The following PLCB1 variants were observed in gnomAD, a reference collection of about 807,000 sequenced individuals.
The protein encoded by PLCB1 is phospholipase C beta 1.
PLCB1 carries 46 observed loss-of-function variants against 161.8 expected under a neutral mutation model. The observed-to-expected ratio is 0.28, with a 90% CI of 0.22 to 0.36. The LOEUF (loss-of-function observed/expected upper bound fraction) is 0.36, where lower values mean the gene tolerates loss of function less well. Among genes scored for constraint, PLCB1 ranks in the 10% least tolerant of loss-of-function variants. PLCB1 has a pLI of 1.00. For missense variants in PLCB1, 1,016 were observed against 1,472.5 expected, an observed-to-expected ratio of 0.69 and a Z score of 5.07; for synonymous variants, 517 against 503.7, an observed-to-expected ratio of 1.03 and a Z score of -0.35.
At chr20:8,786,208 T>C (rs1358979861) in intron 27 of PLCB1, among the ~76,000 whole-genome samples, 3 of 152,102 alleles carry the variant, frequency 2.0e-5, no homozygotes, top group Non-Finnish European at 4.4e-5. Context: ...AAGGTGCTAG[T>C]GAGAGGACAC....
intron 3 of PLCB1, among the ~76,000 whole-genome samples, chr20:8,373,313 G>T (rs1986963593): frequency 6.6e-6 from 1 of 151,866 alleles, no homozygotes; most frequent in African/African-American, 2.4e-5. Flanking sequence ...TCAAAGCCTG[G>T]TTCTATTAAA....
chr20:8,367,908 GAGAC>G lies in PLCB1; in HGVS notation c.178-3472_178-3469del, dbSNP rs144949470. On this transcript the variant is annotated intron_variant, in intron 2 of 31. Transcript: ENST00000338037. ...GGCTGTGGTATGTTAATAGAAGTGG[GAGAC>G]ACTATTTGAATCATCGCTTTGTAGC... 8.9e-3 allele frequency among the ~76,000 whole-genome samples: 1,355 copies of G among 152,278 alleles called. 20 individuals are homozygous for G. Among genetic ancestry groups the G allele is most frequent in the African/African-American group, 0.031 (1,269 of 41,554 alleles).
chr20:8,218,912 T>G (rs1035398899), intron 2 of PLCB1, among the ~76,000 whole-genome samples: 1 of 152,110 alleles, frequency 6.6e-6, no homozygotes, highest in Non-Finnish European at 1.5e-5. Flanking sequence ...TATGTAGGTG[T>G]GTCAGTGTTT....
intron 2 of PLCB1, among the ~76,000 whole-genome samples, chr20:8,362,123 T>C (rs964419462): frequency 6.6e-6 from 1 of 152,024 alleles, no homozygotes; most frequent in African/African-American, 2.4e-5. Context: ...TCCATAAAGA[T>C]GTGGAGAATT....
At chr20:8,654,381 C>T (rs1414980057) in intron 7 of PLCB1, among the ~76,000 whole-genome samples, 2 of 151,954 alleles carry the variant, frequency 1.3e-5, no homozygotes, top group African/African-American at 4.8e-5. Context: ...ATGTGATGGA[C>T]CACGTCCTGG....
intron 2 of PLCB1, among the ~76,000 whole-genome samples, chr20:8,334,487 A>G (rs1985494897): frequency 6.6e-6 from 1 of 152,230 alleles, no homozygotes; most frequent in Admixed American, 6.5e-5. Context: ...ACTTGTTAAC[A>G]AGATTTGAAA....
chr20:8,204,275 G>A (rs1978404731), intron 2 of PLCB1, among the ~76,000 whole-genome samples: 1 of 152,058 alleles, frequency 6.6e-6, no homozygotes, highest in African/African-American at 2.4e-5. Flanking sequence ...GGAGGATTAG[G>A]GGCTTTTCCT....
Position 8,287,153 on chromosome 20 carries a change from A to G in PLCB1, c.178-84229A>G, listed in dbSNP as rs1246113615. Among the ~76,000 whole-genome samples, 6 of 152,098 alleles carry G rather than the reference A, an allele frequency of 3.9e-5. No individual in the cohort carries two copies. In the East Asian group the frequency reaches 1.2e-3, roughly 29 times the overall value. On this transcript the variant is annotated intron_variant, in intron 2 of 31. Coordinates refer to ENST00000338037, the MANE Select transcript of PLCB1 (RefSeq NM_015192.4). ...TCTATTAAATATTTCCTACCTATTCATGTGTGACTCTTTACTCTATATCCC... is the reference window on the plus strand; with the variant it reads ...TCTATTAAATATTTCCTACCTATTCGTGTGTGACTCTTTACTCTATATCCC...
chr20:8,835,057 A>C (rs1986227560), intron 31 of PLCB1, among the ~76,000 whole-genome samples: 1 of 152,210 alleles, frequency 6.6e-6, no homozygotes, highest in African/African-American at 2.4e-5. Flanking sequence ...AAACATTCAG[A>C]ATAATGATTG....
chr20:8,652,990 A>G (rs1989360565), intron 7 of PLCB1: 1 of 152,026 alleles, frequency 6.6e-6, no homozygotes, highest in Non-Finnish European at 1.5e-5. Flanking sequence ...AAAAATTACC[A>G]CTTTACCCAC....
chr20:8,462,874 T>C (rs1244077528), intron 3 of PLCB1, among the ~76,000 whole-genome samples: 3 of 151,894 alleles, frequency 2.0e-5, no homozygotes, highest in Admixed American at 6.6e-5. Flanking sequence ...AGGTGATCTA[T>C]GGCTGGCCAA....
At chr20:8,263,547 A>G (rs1309615248) in intron 2 of PLCB1, among the ~76,000 whole-genome samples, 1 of 152,140 alleles carries the variant, frequency 6.6e-6, no homozygotes, top group African/African-American at 2.4e-5. Context: ...CTGGGGATTC[A>G]TTCTGATATT....
chr20:8,526,564 C>T (rs1984592217), intron 3 of PLCB1, among the ~76,000 whole-genome samples: 2 of 152,208 alleles, frequency 1.3e-5, no homozygotes, highest in Admixed American at 1.3e-4. Context: ...ATCGGCCTTT[C>T]CTGGTAATAA....
intron 3 of PLCB1, among the ~76,000 whole-genome samples, chr20:8,426,132 A>G (rs1424928386): frequency 6.6e-6 from 1 of 152,160 alleles, no homozygotes; most frequent in Non-Finnish European, 1.5e-5. Flanking sequence ...ATGAAATGTG[A>G]TTTTGTTTCC....
intron 3 of PLCB1, among the ~76,000 whole-genome samples, chr20:8,601,444 G>T (rs1987583745): frequency 1.3e-5 from 2 of 152,076 alleles, no homozygotes; most frequent in South Asian, 4.1e-4. Context: ...TCATTATTTA[G>T]CTCCCACTTA....
At chr20:8,339,559 G>T (rs2122218307) in intron 2 of PLCB1, among the ~76,000 whole-genome samples, 1 of 152,250 alleles carries the variant, frequency 6.6e-6, no homozygotes, top group South Asian at 2.1e-4. Context: ...ATTAATTCCG[G>T]GACTGGCTTT....
chr20:8,693,633 C>T (rs1480526442), intron 10 of PLCB1, among the ~76,000 whole-genome samples: 3 of 152,060 alleles, frequency 2.0e-5, no homozygotes, highest in Admixed American at 2.0e-4. Context: ...ACCTTCTTAC[C>T]CTGGAGGTTG....
At chr20:8,377,456 T>C (rs1419302361) in intron 3 of PLCB1, among the ~76,000 whole-genome samples, 1 of 152,140 alleles carries the variant, frequency 6.6e-6, no homozygotes, top group Admixed American at 6.5e-5. Flanking sequence ...AGTGATGGGA[T>C]CTGAGCTTTT....
At chr20:8,315,015 T>C (rs1284334160) in intron 2 of PLCB1, among the ~76,000 whole-genome samples, 1 of 152,156 alleles carries the variant, frequency 6.6e-6, no homozygotes, top group Admixed American at 6.5e-5. Context: ...TCTTCACATC[T>C]GAGGATGGAG....
Sources: allele counts gnomAD v4.1 joint callset (sites outside exome capture counted in the v4.1 genomes callset), GRCh38; gene constraint gnomAD v4.1.1; transcripts MANE v1.5; gene names NCBI Gene and HGNC (gene_info 2026-07-23, HGNC 2026-07-21).